PCDHGA3: variants seen among roughly 807,000 people sequenced by gnomAD.
The protein encoded by PCDHGA3 is protocadherin gamma-A3.
A neutral mutation model predicts 58.5 loss-of-function variants in PCDHGA3; 40 were observed. That is an observed-to-expected ratio of 0.68 (90% CI 0.53 to 0.89). The LOEUF (loss-of-function observed/expected upper bound fraction) is 0.89, where lower values mean the gene tolerates loss of function less well. PCDHGA3 is among the 40% of genes least tolerant of loss of function. The pLI is 0.00. For synonymous variants in PCDHGA3, 530 were observed against 525.7 expected, an observed-to-expected ratio of 1.01 and a Z score of -0.11; for missense variants, 1,223 against 1,195.9, an observed-to-expected ratio of 1.02 and a Z score of -0.33.
Position 141,476,511 on chromosome 5 carries a change from A to G in PCDHGA3, c.2425-18296A>G, listed in dbSNP as rs1562054650. Reference sequence around the variant, plus strand: ...GTGATCCAGGACATCAACGACAACAATCCTGCTTTCCCTACCCAGGAAATG... The same window carrying G: ...GTGATCCAGGACATCAACGACAACAGTCCTGCTTTCCCTACCCAGGAAATG... On this transcript the variant is annotated intron_variant, in intron 1 of 3. Transcript: ENST00000253812. The surrounding 1 kb of genome is among the most constrained non-coding windows in gnomAD (Gnocchi z 7.6). The G allele has an allele frequency of 5.0e-6, 8 of 1,613,902 alleles. No individual in the cohort carries two copies. The highest frequency in any genetic ancestry group is 6.8e-6 in the Non-Finnish European group (8 of 1,179,960).
At chr5:141,384,549 G>C in intron 1 of PCDHGA3, 1 of 1,614,244 alleles carries the variant, frequency 6.2e-7, no homozygotes, top group Non-Finnish European at 8.5e-7. Context: ...CACTGAGCCT[G>C]TTCGTGCTGG....
intron 1 of PCDHGA3, chr5:141,415,029 G>T (rs777967290): frequency 8.1e-6 from 13 of 1,613,554 alleles, no homozygotes; most frequent in Non-Finnish European, 1.0e-5. Context: ...CCAGCGAGCC[G>T]GGACTCTTCG....
At chr5:141,428,021 C>A (rs1185050109) in intron 1 of PCDHGA3, 2 of 1,605,604 alleles carry the variant, frequency 1.2e-6, no homozygotes, top group Non-Finnish European at 1.7e-6. Flanking sequence ...TGCCACGCGC[C>A]GCAGAGTCCG....
chr5:141,408,889 A>G, intron 1 of PCDHGA3: 1 of 1,613,232 alleles, frequency 6.2e-7, no homozygotes, highest in Non-Finnish European at 8.5e-7. Flanking sequence ...CTCACATAGA[A>G]ATTTCTGTCA....
chr5:141,346,830 AGG>A (rs1355207802), intron 1 of PCDHGA3, among the ~76,000 whole-genome samples: 1 of 152,214 alleles, frequency 6.6e-6, no homozygotes, highest in African/African-American at 2.4e-5. Flanking sequence ...TGTGATAAAT[AGG>A]CCTTTTTCAT....
intron 1 of PCDHGA3, chr5:141,427,778 A>T: frequency 1.4e-6 from 2 of 1,436,676 alleles, no homozygotes; most frequent in Non-Finnish European, 1.9e-6. Context: ...AGCTGCGGGC[A>T]CTGTCGTCCT....
At chr5:141,387,848 C>T (rs746271589) in intron 1 of PCDHGA3, 1 of 1,597,460 alleles carries the variant, frequency 6.3e-7, no homozygotes, top group South Asian at 1.1e-5. Flanking sequence ...AACCCGGCGT[C>T]TCCAGGCTGG....
At chr5:141,356,030 T>C (rs750910395) in intron 1 of PCDHGA3, 1 of 1,613,998 alleles carries the variant, frequency 6.2e-7, no homozygotes, top group Admixed American at 1.7e-5. Context: ...AATGGAGACG[T>C]GACGTATTCT....
In PCDHGA3 at chr5:141,402,724, G is replaced by A. The variant is rs558797465; in HGVS notation, c.2424+56267G>A. Among the ~76,000 whole-genome samples, 7 of 152,276 alleles carry A rather than the reference G, an allele frequency of 4.6e-5. No individual in the cohort carries two copies. The South Asian group carries it at 1.5e-3, about 32-fold the overall frequency. On this transcript the variant is annotated intron_variant, in intron 1 of 3. Transcript: ENST00000253812. Reference sequence around the variant, plus strand: ...GGGTGTAGTAACGGCTTAGGACTCTGAGCGCCGCTGTTGATCAACTCTAAG... The same window carrying A: ...GGGTGTAGTAACGGCTTAGGACTCTAAGCGCCGCTGTTGATCAACTCTAAG...
At position 141,431,645 on chromosome 5, in the gene PCDHGA3, T is replaced by G. The variant is rs2097404203; in HGVS notation, c.2425-63162T>G. ...GGCGGCCCAAGTTTTCAAACTAGAT[T>G]GTAATTCAGGGACAATATCAACAAT... On this transcript the variant is annotated intron_variant, in intron 1 of 3. Coordinates refer to ENST00000253812, the MANE Select transcript of PCDHGA3 (RefSeq NM_018916.4). This position sits in a 1 kb window ranked among gnomAD's most constrained non-coding sequence, Gnocchi z 4.8. The G allele has an allele frequency of 2.5e-6, 4 of 1,614,236 alleles. No homozygotes were observed. Among genetic ancestry groups the G allele is most frequent in the Non-Finnish European group, 3.4e-6 (4 of 1,180,044 alleles).
intron 1 of PCDHGA3, chr5:141,360,055 GAA>G: frequency 6.9e-7 from 1 of 1,446,612 alleles, no homozygotes; most frequent in Non-Finnish European, 9.1e-7. Flanking sequence ...ACAAAAGCAG[GAA>G]AAGTGACCTT....
intron 1 of PCDHGA3, chr5:141,427,984 C>T (rs754620535): frequency 1.9e-6 from 3 of 1,597,494 alleles, no homozygotes; most frequent in South Asian, 1.1e-5. Context: ...GCGCTGGGGC[C>T]CGATGGCTCC....
Position 141,489,216 on chromosome 5 carries a change from C to G in PCDHGA3, c.2425-5591C>G. The G allele has an allele frequency of 6.7e-7, 1 of 1,486,698 alleles. No individual in the cohort carries two copies. Among genetic ancestry groups the G allele is most frequent in the Non-Finnish European group, 9.1e-7 (1 of 1,103,260 alleles). 92.1% of individuals were successfully genotyped at this position (1,486,698 alleles called of 1,614,324 possible). ...TTGGAGACAGGACAGCACAGACTTA[C>G]TCTCCACAAAGGGACTTCTGGGTCA... On this transcript the variant is annotated intron_variant, in intron 1 of 3. Transcript: ENST00000253812. This position sits in a 1 kb window ranked among gnomAD's most constrained non-coding sequence, Gnocchi z 4.5.
Position 141,431,919 on chromosome 5 carries a change from A to C in PCDHGA3, c.2425-62888A>C, listed in dbSNP as rs2097428718. The C allele has an allele frequency of 7.4e-6, 12 of 1,614,040 alleles. No individual in the cohort carries two copies. Among genetic ancestry groups the C allele is most frequent in the Non-Finnish European group, 1.0e-5 (12 of 1,179,980 alleles). On this transcript the variant is annotated intron_variant, in intron 1 of 3. Transcript: ENST00000253812. This position sits in a 1 kb window ranked among gnomAD's most constrained non-coding sequence, Gnocchi z 4.8. ...AACGGACAGGTGATCTGTTTCATCC[A>C]AGGAAATCTGCCCTTTAAATTAGAA... is the stretch of plus-strand genomic sequence containing the variant.
intron 1 of PCDHGA3, among the ~76,000 whole-genome samples, chr5:141,402,587 T>C (rs2094282900): frequency 1.3e-5 from 2 of 152,228 alleles, no homozygotes; most frequent in Non-Finnish European, 2.9e-5. Flanking sequence ...ATCTAAAAAA[T>C]AGATTGCTTT....
intron 1 of PCDHGA3, chr5:141,371,313 C>T (rs760463851): frequency 6.2e-7 from 1 of 1,613,964 alleles, no homozygotes. Context: ...TATTGGAGAA[C>T]TGGACTTTGA....
intron 1 of PCDHGA3, chr5:141,361,549 G>A (rs1366415460): frequency 1.9e-6 from 3 of 1,613,918 alleles, no homozygotes; most frequent in East Asian, 4.5e-5. Context: ...CGCCTCTATC[G>A]CTCAAATCAG....
rs1408938686 is a variant in PCDHGA3 at position 141,398,777 on chromosome 5, G to A, written c.2424+52320G>A. On this transcript the variant is annotated intron_variant, in intron 1 of 3. Transcript: ENST00000253812. ...CGTTTAGTCCTGACTGCCTTGGACG[G>A]TGGACATCCACCCCTAAGCGGCACC... is the stretch of plus-strand genomic sequence containing the variant. The A allele has an allele frequency of 3.1e-6, 5 of 1,613,902 alleles. 1 individual carries two copies. The South Asian group carries it at 3.3e-5, about 11-fold the overall frequency.
At chr5:141,459,215 G>C (rs2098963353) in intron 1 of PCDHGA3, among the ~76,000 whole-genome samples, 1 of 152,112 alleles carries the variant, frequency 6.6e-6, no homozygotes, top group South Asian at 2.1e-4. Flanking sequence ...TACTTCTCCA[G>C]CTCCAGGCAA....
Sources: allele counts gnomAD v4.1 joint callset (sites outside exome capture counted in the v4.1 genomes callset), GRCh38; gene constraint gnomAD v4.1.1; non-coding constraint Gnocchi (gnomAD v3.1); transcripts MANE v1.5; gene names NCBI Gene and HGNC (gene_info 2026-07-23, HGNC 2026-07-21).